The following CEP128 variants were observed in gnomAD, a reference collection of about 807,000 sequenced individuals.
CEP128 encodes the protein centrosomal protein 128kDa.
Under a neutral mutation model 156.7 loss-of-function variants are expected in CEP128, and 132 were observed. The observed-to-expected ratio is 0.84, with a 90% CI of 0.73 to 0.97. CEP128 has a LOEUF of 0.97. Among genes scored for constraint, CEP128 ranks in the 50% least tolerant of loss-of-function variants. The pLI is 0.00. For missense variants in CEP128, 1,252 were observed against 1,281.9 expected, an observed-to-expected ratio of 0.98 and a Z score of 0.36; for synonymous variants, 469 against 448.9, an observed-to-expected ratio of 1.04 and a Z score of -0.57.
exon 7 of CEP128, chr14:80,490,568 C>G (rs1887290993): frequency 6.6e-6 from 1 of 152,070 alleles, no homozygotes; most frequent in African/African-American, 2.4e-5. Flanking sequence ...AATTGGATGT[C>G]TTGATGATGA....
At chr14:80,580,663 C>G (rs899611285) in intron 19 of CEP128, among the ~76,000 whole-genome samples, 1 of 152,120 alleles carries the variant, frequency 6.6e-6, no homozygotes, top group South Asian at 2.1e-4. Flanking sequence ...CTCAGCTTTA[C>G]CTGACATACC....
intron 19 of CEP128, among the ~76,000 whole-genome samples, chr14:80,635,121 TATA>T (rs1305295742): frequency 6.6e-6 from 1 of 152,236 alleles, no homozygotes; most frequent in African/African-American, 2.4e-5. Flanking sequence ...TCTAGCTACC[TATA>T]ATGCCTGCTT....
chr14:80,914,299 TG>T, intron 4 of CEP128, 22 bp downstream of exon 4: 1 of 1,584,204 alleles, frequency 6.3e-7, no homozygotes. Flanking sequence ...TAGGAGAAAA[TG>T]CAAACAAATG....
chr14:80,500,224 G>A (rs1594914646), intron 24 of CEP128, among the ~76,000 whole-genome samples: 1 of 152,144 alleles, frequency 6.6e-6, no homozygotes, highest in Non-Finnish European at 1.5e-5. Flanking sequence ...CACGGTCAAT[G>A]ATTCTATGCT....
At chr14:80,774,515 A>G (rs936919958) in intron 16 of CEP128, among the ~76,000 whole-genome samples, 4 of 152,130 alleles carry the variant, frequency 2.6e-5, no homozygotes, top group Non-Finnish European at 5.9e-5. Flanking sequence ...CATTGAAAAC[A>G]TATTTTTATT....
intron 21 of CEP128, among the ~76,000 whole-genome samples, chr14:80,559,038 C>T (rs1043491970): frequency 1.3e-5 from 2 of 152,158 alleles, no homozygotes; most frequent in Non-Finnish European, 2.9e-5. Flanking sequence ...TACATCTTGA[C>T]ATCAGAAATA....
chr14:80,507,326 G>C (rs1458533845), intron 23 of CEP128, among the ~76,000 whole-genome samples: 3 of 152,118 alleles, frequency 2.0e-5, no homozygotes, highest in African/African-American at 7.2e-5. Context: ...TAAGAAACTC[G>C]AAGTCATTCA....
At chr14:80,704,847 T>G (rs1897186479) in intron 19 of CEP128, among the ~76,000 whole-genome samples, 1 of 151,984 alleles carries the variant, frequency 6.6e-6, no homozygotes, top group Non-Finnish European at 1.5e-5. Context: ...AACTCTTTTA[T>G]TGTAGAAATT....
chr14:80,630,223 CTCTTAT>C (rs1000697606), intron 19 of CEP128, among the ~76,000 whole-genome samples: 1 of 151,920 alleles, frequency 6.6e-6, no homozygotes, highest in Non-Finnish European at 1.5e-5. Context: ...GTGGATACTT[CTCTTAT>C]GTGGCATTAG....
In CEP128 at chr14:80,497,284, A is replaced by G; in HGVS notation, c.*195T>C. 3.9e-6 allele frequency: 2 copies of G among 507,748 alleles called. No individual in the cohort carries two copies. Among genetic ancestry groups the G allele is most frequent in the East Asian group, 3.3e-5 (1 of 30,544 alleles). The allele number at this position is 507,748 out of a possible 1,614,324, so 31.5% of individuals were successfully genotyped here. On this transcript the variant is annotated 3_prime_UTR_variant, in exon 25 of 25. Transcript: ENST00000555265. ...CAAATAAATTAGCTGCACATCATTC[A>G]TGATCTGATATTATTTGGATTGGTT...
intron 14 of CEP128, among the ~76,000 whole-genome samples, chr14:80,479,020 T>G (rs1886999700): frequency 6.6e-6 from 1 of 152,208 alleles, no homozygotes; most frequent in Non-Finnish European, 1.5e-5. Context: ...GATGAGCCTG[T>G]GTGTGCCAGG....
chr14:80,687,575 A>G (rs747875268), intron 19 of CEP128, among the ~76,000 whole-genome samples: 2 of 152,090 alleles, frequency 1.3e-5, no homozygotes, highest in Non-Finnish European at 2.9e-5. Flanking sequence ...GACACTGGAG[A>G]CTACTCAAGG....
At chr14:80,623,857 A>C (rs945686720) in intron 19 of CEP128, among the ~76,000 whole-genome samples, 5 of 152,192 alleles carry the variant, frequency 3.3e-5, no homozygotes, top group African/African-American at 9.6e-5. Flanking sequence ...ACATGTATGC[A>C]ATATGTAATG....
intron 17 of CEP128, among the ~76,000 whole-genome samples, chr14:80,759,150 T>C (rs1347312786): frequency 6.6e-6 from 1 of 152,208 alleles, no homozygotes; most frequent in African/African-American, 2.4e-5. Context: ...ACAATTGTAG[T>C]GTACGTCTGT....
At chr14:80,692,526 G>A (rs1002083610) in intron 19 of CEP128, among the ~76,000 whole-genome samples, 2 of 152,162 alleles carry the variant, frequency 1.3e-5, no homozygotes, top group African/African-American at 4.8e-5. Flanking sequence ...GGTAAACATT[G>A]AATGTGGGGA....
At chr14:80,924,769 A>G (rs1885058575) in intron 2 of CEP128, among the ~76,000 whole-genome samples, 1 of 152,088 alleles carries the variant, frequency 6.6e-6, no homozygotes, top group Non-Finnish European at 1.5e-5. Context: ...TCAAAAGAAA[A>G]TAAAAACATT....
chr14:80,839,215 T>C (rs748196697), intron 10 of CEP128, among the ~76,000 whole-genome samples: 1 of 152,258 alleles, frequency 6.6e-6, no homozygotes, highest in Non-Finnish European at 1.5e-5. Flanking sequence ...ATTTAGAGCT[T>C]ATATGTGCTA....
chr14:80,501,969 CCAA>C (rs1566742572), intron 24 of CEP128, among the ~76,000 whole-genome samples: 1 of 152,126 alleles, frequency 6.6e-6, no homozygotes, highest in Non-Finnish European at 1.5e-5. Flanking sequence ...TGGCGAAAAC[CCAA>C]CAACCTGGAA....
chr14:80,585,225 C>A (rs1283498077), intron 19 of CEP128, among the ~76,000 whole-genome samples: 2 of 152,214 alleles, frequency 1.3e-5, no homozygotes, highest in Non-Finnish European at 2.9e-5. Flanking sequence ...TTCTGCTTTA[C>A]ATTTCTCTGG....
Sources: allele counts gnomAD v4.1 joint callset (sites outside exome capture counted in the v4.1 genomes callset), GRCh38; gene constraint gnomAD v4.1.1; transcripts MANE v1.5; gene names NCBI Gene and HGNC (gene_info 2026-07-23, HGNC 2026-07-21).